TMC7: variants seen among roughly 807,000 people sequenced by gnomAD.
TMC7 encodes transmembrane channel like 7.
Under a neutral mutation model 82.9 loss-of-function variants are expected in TMC7, and 54 were observed. The observed-to-expected ratio is 0.65, with a 90% confidence interval of 0.52 to 0.82. The LOEUF is 0.82. TMC7 is among the 40% of genes least tolerant of loss of function. The pLI is 0.00. For missense variants in TMC7, 820 were observed against 901.2 expected (o/e 0.91, Z 1.15); for synonymous variants, 350 against 337.9 (o/e 1.04, Z -0.39).
At chr16:19,059,950 C>G (rs1453607035) in intron 15 of TMC7, 2 of 363,264 alleles carry the variant, frequency 5.5e-6, no homozygotes, top group African/African-American at 4.1e-5. Context: ...GCACTCCAGC[C>G]TGGGTGACAG....
At chr16:19,029,100 G>A (rs910020188) in intron 5 of TMC7, among the ~76,000 whole-genome samples, 2 of 150,682 alleles carry the variant, frequency 1.3e-5, no homozygotes, top group African/African-American at 4.9e-5. Flanking sequence ...CCGCCTCCCG[G>A]GTTCACACCA....
intron 11 of TMC7, 77 bp downstream of exon 11, chr16:19,045,515 A>G: frequency 9.7e-7 from 1 of 1,026,022 alleles, no homozygotes; most frequent in Admixed American, 1.8e-5. Context: ...ACACAACTGG[A>G]GGGTCCCATT....
chr16:18,985,040 T>TCAC, intron 1 of TMC7, among the ~76,000 whole-genome samples: 1 of 152,176 alleles, frequency 6.6e-6, no homozygotes. Context: ...GGCGGGTGGA[T>TCAC]CACGAGGTCA....
chr16:19,013,363 T>C (rs1168103054), intron 2 of TMC7, among the ~76,000 whole-genome samples: 1 of 149,866 alleles, frequency 6.7e-6, no homozygotes, highest in Non-Finnish European at 1.5e-5. Flanking sequence ...GGATTACAGG[T>C]ATGCACCACC....
At chr16:19,027,061 CTTTTTTTTTTTT>C (rs35769515) in intron 5 of TMC7, among the ~76,000 whole-genome samples, 3 of 56,566 alleles carry the variant, frequency 5.3e-5, no homozygotes, top group African/African-American at 7.6e-5. Context: ...CACACCTGAC[CTTTTTTTTTTTT>C]TTTTTTTTTT....
rs769927626 is a variant in TMC7, at chr16:19,044,977, C to T, written c.1431C>T (p.Cys477=). The T allele has an allele frequency of 1.1e-5, 18 of 1,613,688 alleles. No individual in the cohort carries two copies. The Admixed American group carries it at 1.2e-4, about 10-fold the overall frequency. ...TSCDDDTCDL[C]GYNQKLYPCW... is the part of the protein sequence containing the mutation. Reference sequence around the variant, plus strand: ...GTGATGATGACACATGTGACCTTTGCGGCTACAACCAGAAACTCTACCCGG... The same window carrying T: ...GTGATGATGACACATGTGACCTTTGTGGCTACAACCAGAAACTCTACCCGG... Residue 477 remains cysteine, a synonymous_variant, in exon 10 of 16, where the codon TGC becomes TGT. Transcript: ENST00000304381.
intron 5 of TMC7, among the ~76,000 whole-genome samples, chr16:19,024,240 G>A (rs1456862245): frequency 6.6e-6 from 1 of 152,028 alleles, no homozygotes; most frequent in Non-Finnish European, 1.5e-5. Context: ...AAACCAGCCT[G>A]GGCAACATAT....
Position 18,983,935 on chromosome 16 carries a change from C to A in TMC7, c.-129C>A. On this transcript the variant is annotated 5_prime_UTR_variant, in exon 1 of 16. Coordinates refer to ENST00000304381, the MANE Select transcript of TMC7 (RefSeq NM_024847.4). ...CTCGGCTCCTCGCGGGGGCGCCCCA[C>A]TCCGGCTTCTGTGATGTCAGCGCCG... 9.6e-7 allele frequency: 1 copy of A among 1,043,986 alleles called. No individual in the cohort carries two copies. Among genetic ancestry groups the A allele is most frequent in the Non-Finnish European group, 1.3e-6 (1 of 788,472 alleles). The allele number at this position is 1,043,986 out of a possible 1,614,324, so 64.7% of individuals were successfully genotyped here.
chr16:19,026,180 T>TAA (rs111479366), intron 5 of TMC7, among the ~76,000 whole-genome samples: 14 of 149,628 alleles, frequency 9.4e-5, no homozygotes, highest in Non-Finnish European at 1.5e-4. Flanking sequence ...CAAAAAAAGT[T>TAA]AAAAAAAAAT....
intron 1 of TMC7, among the ~76,000 whole-genome samples, chr16:18,991,318 T>C (rs2038947176): frequency 6.6e-6 from 1 of 152,192 alleles, no homozygotes; most frequent in Non-Finnish European, 1.5e-5. Flanking sequence ...GGACTAAGAA[T>C]TGGGAGGACC....
intron 1 of TMC7, among the ~76,000 whole-genome samples, chr16:18,997,875 ACC>A (rs1038959339): frequency 1.3e-5 from 2 of 150,564 alleles, no homozygotes; most frequent in African/African-American, 4.9e-5. Flanking sequence ...GACTACAGGC[ACC>A]CACCACCATG....
chr16:19,061,793 T>G lies in TMC7; in HGVS notation c.2122T>G (p.Cys708Gly), dbSNP rs769462619. 2 of 1,613,872 alleles carry G rather than the reference T, an allele frequency of 1.2e-6. No homozygotes were observed. The highest frequency in any genetic ancestry group is 3.3e-5 in the Admixed American group (2 of 59,936). ...TATTTTTTAGGAAAGTCGTGACAAG[T>G]GCTACCTAATCCAGAAACTAACAGA... is the stretch of plus-strand genomic sequence containing the variant. ...EQLSLESRDK[C>G]YLIQKLTEAQ... The change falls in exon 16 of 16, where the codon TGC becomes GGC. Residue 708 changes from cysteine to glycine, a missense_variant. Around this residue, in one of 2 missense-constraint regions of TMC7, gnomAD observed 170 missense variants for 231.3 expected, o/e 0.74. Coordinates refer to ENST00000304381, the MANE Select transcript of TMC7 (RefSeq NM_024847.4).
chr16:19,035,617 T>TC, intron 6 of TMC7, 59 bp from the exon 7 acceptor site: 1 of 1,607,840 alleles, frequency 6.2e-7, no homozygotes, highest in Non-Finnish European at 8.5e-7. Flanking sequence ...CACAGCCAAT[T>TC]CAGGGGACTC....
chr16:19,017,767 T>C (rs1439801183), intron 3 of TMC7, among the ~76,000 whole-genome samples: 1 of 141,370 alleles, frequency 7.1e-6, no homozygotes, highest in African/African-American at 2.6e-5. Context: ...CCCCCCGGGG[T>C]TCACGCCAGT....
intron 3 of TMC7, among the ~76,000 whole-genome samples, chr16:19,017,515 A>G (rs192586080): frequency 6.6e-6 from 1 of 151,890 alleles, no homozygotes; most frequent in African/African-American, 2.4e-5. Flanking sequence ...ACATACAGTT[A>G]TCATATTATT....
chr16:19,005,226 A>G (rs1269839482), intron 1 of TMC7, among the ~76,000 whole-genome samples: 3 of 151,990 alleles, frequency 2.0e-5, no homozygotes, highest in Admixed American at 1.3e-4. Flanking sequence ...GTTAGCTGGG[A>G]CTACAGGCAC....
In TMC7 at chr16:18,993,866, AG is replaced by A. The variant is rs545656234; in HGVS notation, c.67+9742del. On this transcript the variant is annotated intron_variant, in intron 1 of 15. Transcript: ENST00000304381. The stretch of plus-strand genomic sequence containing the variant: ...AGTTCAGCCTGCTGAGAAGTAGTGG[AG>A]GGGGGCAGAGTGGTAGCCTCAATGA... Among the ~76,000 whole-genome samples, 7 of 152,242 alleles carry A rather than the reference AG, an allele frequency of 4.6e-5. No homozygotes were observed. The East Asian group carries it at 5.8e-4, about 13-fold the overall frequency.
chr16:19,012,340 T>C (rs1485620784), intron 2 of TMC7: 2 of 152,158 alleles, frequency 1.3e-5, no homozygotes, highest in Non-Finnish European at 2.9e-5. Context: ...TGAATTCTTA[T>C]AAACTATTAC....
At chr16:19,047,674 C>T (rs1392604508) in intron 12 of TMC7, among the ~76,000 whole-genome samples, 2 of 143,212 alleles carry the variant, frequency 1.4e-5, no homozygotes, top group African/African-American at 5.2e-5. Flanking sequence ...GGATTACAGG[C>T]GTGAGCCACC....
Sources: allele counts gnomAD v4.1 joint callset (sites outside exome capture counted in the v4.1 genomes callset), GRCh38; gene constraint gnomAD v4.1.1; regional missense constraint gnomAD v4.1.1; transcripts MANE v1.5; gene names NCBI Gene and HGNC (gene_info 2026-07-23, HGNC 2026-07-21).